RGS3: variants seen among roughly 807,000 people sequenced by gnomAD.
The protein encoded by RGS3 is regulator of G protein signaling 3, also known as regulator of G-protein signalling 3.
In RGS3, 80 loss-of-function variants were observed where a neutral mutation model predicts 132.6. That is an observed-to-expected ratio of 0.60 (90% CI 0.50 to 0.73). The LOEUF (loss-of-function observed/expected upper bound fraction) is 0.73. Ranked by LOEUF, RGS3 falls within the 30% of genes least tolerant of loss-of-function variation. The pLI is 0.00. For synonymous variants in RGS3, 598 were observed against 620.6 expected (o/e 0.96, Z 0.54); for missense variants, 1,382 against 1,530.8 (o/e 0.90, Z 1.62).
chr9:113,596,657 G>A, intron 24 of RGS3, 111 bp from the exon 23 acceptor site: 2 of 856,988 alleles, frequency 2.3e-6, no homozygotes, highest in South Asian at 1.8e-5. Context: ...CTTAAGATGT[G>A]GGGCAAAGGG....
intron 19 of RGS3, among the ~76,000 whole-genome samples, chr9:113,553,450 AAAAAAAAAAATAT>A (rs1337368409): frequency 1.8e-4 from 19 of 108,358 alleles, no homozygotes; most frequent in Non-Finnish European, 2.6e-4. Flanking sequence ...TTAAAAAAAA[AAAAAAAAAAATAT>A]ATATATATAT....
exon 20 of RGS3, chr9:113,583,482 G>A (rs1053250459): frequency 2.0e-5 from 33 of 1,614,102 alleles, no homozygotes; most frequent in Non-Finnish European, 2.8e-5. Flanking sequence ...AGAAGAGGGA[G>A]ATGGCCTTGG....
chr9:113,494,260 C>G (rs1439501315), intron 7 of RGS3, among the ~76,000 whole-genome samples: 1 of 151,868 alleles, frequency 6.6e-6, no homozygotes, highest in Non-Finnish European at 1.5e-5. Flanking sequence ...CCTATGCAAA[C>G]AGTGAAAACC....
At chr9:113,569,233 T>G (rs1374912973) in intron 19 of RGS3, among the ~76,000 whole-genome samples, 2 of 152,106 alleles carry the variant, frequency 1.3e-5, no homozygotes, top group African/African-American at 2.4e-5. Flanking sequence ...CAGTTACCTC[T>G]TACTGGGGTT....
At chr9:113,497,942 C>T (rs139321482) in intron 9 of RGS3, 83 bp from the exon 8 acceptor site, 3 of 1,439,212 alleles carry the variant, frequency 2.1e-6, no homozygotes, top group Non-Finnish European at 2.0e-6. Context: ...GGCCTGTTTC[C>T]CAGTGCTGTC....
intron 1 of RGS3, among the ~76,000 whole-genome samples, chr9:113,449,784 C>T (rs920697154): frequency 6.6e-6 from 1 of 151,946 alleles, no homozygotes; most frequent in Non-Finnish European, 1.5e-5. Context: ...ACTCTGTTGC[C>T]CAGGCTGGAG....
chr9:113,460,884 T>C (rs998465083), intron 1 of RGS3, among the ~76,000 whole-genome samples: 1 of 152,226 alleles, frequency 6.6e-6, no homozygotes, highest in Non-Finnish European at 1.5e-5. Flanking sequence ...ATTCCAGATA[T>C]AGTCAGTCTT....
chr9:113,465,680 G>A (rs1248873979), intron 3 of RGS3, among the ~76,000 whole-genome samples: 1 of 152,134 alleles, frequency 6.6e-6, no homozygotes. Flanking sequence ...GGATCTTCCT[G>A]CCCAGCCATG....
chr9:113,500,022 G>A (rs1830818735), intron 10 of RGS3, among the ~76,000 whole-genome samples: 2 of 152,144 alleles, frequency 1.3e-5, no homozygotes, highest in African/African-American at 4.8e-5. Context: ...GTGATTCATG[G>A]AAATTACATG....
intron 3 of RGS3, among the ~76,000 whole-genome samples, chr9:113,468,819 A>C (rs1564454078): frequency 6.6e-6 from 1 of 152,132 alleles, no homozygotes; most frequent in Non-Finnish European, 1.5e-5. Context: ...GGCAAGCTGG[A>C]CATGTTCTGA....
exon 6 of RGS3, chr9:113,484,148 T>C (rs1481727845): frequency 6.2e-7 from 1 of 1,607,118 alleles, no homozygotes; most frequent in Admixed American, 1.7e-5. Flanking sequence ...ATTTCTTTGA[T>C]CCCTGAAGAT....
At chr9:113,499,025 G>A (rs1194625395) in intron 10 of RGS3, among the ~76,000 whole-genome samples, 2 of 150,166 alleles carry the variant, frequency 1.3e-5, no homozygotes, top group African/African-American at 4.9e-5. Context: ...TCAAGAGTTC[G>A]AGACCAGCCT....
chr9:113,529,411 T>A, intron 18 of RGS3, 147 bp downstream of exon 16: 1 of 698,426 alleles, frequency 1.4e-6, no homozygotes, highest in East Asian at 2.6e-5. Flanking sequence ...AGTAGCGGTT[T>A]TTTGCTAGGT....
chr9:113,514,045 T>C (rs897406781), intron 14 of RGS3, among the ~76,000 whole-genome samples: 1 of 152,164 alleles, frequency 6.6e-6, no homozygotes, highest in Admixed American at 6.5e-5. Context: ...CTCCAACTGA[T>C]TGTTCCACGT....
rs376044741 is a variant in RGS3 at position 113,584,306 on chromosome 9, C to T, written c.2894C>T (p.Ser965Leu). Residue 965 changes from serine (S) to leucine (L), a missense_variant, in exon 20 of 25, where the codon TCA becomes TTA. Physicochemically the swap from Ser to Leu is moderately radical, Grantham distance 145 (BLOSUM62 -2). Transcript: ENST00000350696. Reference sequence around the variant, plus strand: ...GCCTCCGACACCACCTTGCACTGCTCAGACGGTGAGGGCGCCGCCTCCACC... The same window carrying T: ...GCCTCCGACACCACCTTGCACTGCTTAGACGGTGAGGGCGCCGCCTCCACC... 10 of 1,607,302 alleles carry T rather than the reference C, an allele frequency of 6.2e-6. No individual in the cohort carries two copies. The highest frequency in any genetic ancestry group is 3.3e-5 in the South Asian group (3 of 90,872).
At chr9:113,541,084 T>C (rs1264067496) in intron 19 of RGS3, among the ~76,000 whole-genome samples, 1 of 152,190 alleles carries the variant, frequency 6.6e-6, no homozygotes, top group African/African-American at 2.4e-5. Flanking sequence ...TCTGCCATAT[T>C]CCAGGGGCCC....
At chr9:113,556,018 A>T (rs117279954) in intron 19 of RGS3, among the ~76,000 whole-genome samples, 6 of 152,254 alleles carry the variant, frequency 3.9e-5, no homozygotes, top group Non-Finnish European at 7.4e-5. Flanking sequence ...AAGCCTGAAA[A>T]CATTTGCCCT....
intron 19 of RGS3, among the ~76,000 whole-genome samples, chr9:113,558,421 T>A (rs575347042): frequency 2.0e-5 from 3 of 152,204 alleles, no homozygotes; most frequent in African/African-American, 7.2e-5. Flanking sequence ...GAGAATTGCT[T>A]GAACCTGGGA....
At chr9:113,569,197 A>G (rs1403130005) in intron 19 of RGS3, among the ~76,000 whole-genome samples, 1 of 152,056 alleles carries the variant, frequency 6.6e-6, no homozygotes, top group East Asian at 1.9e-4. Context: ...TTTTCGCCAC[A>G]TAGCCAGGGC....
Sources: allele counts gnomAD v4.1 joint callset (sites outside exome capture counted in the v4.1 genomes callset), GRCh38; gene constraint gnomAD v4.1.1; transcripts MANE v1.5; gene names NCBI Gene and HGNC (gene_info 2026-07-23, HGNC 2026-07-21).